Variants in FSIP1 observed in about 807,000 individuals in gnomAD.
FSIP1 encodes fibrous sheath-interacting protein 1.
FSIP1 carries 65 observed loss-of-function variants against 60.9 expected under a neutral mutation model. The observed-to-expected ratio is 1.07, with a 90% CI of 0.87 to 1.31. The LOEUF is 1.31. Ranked by LOEUF, FSIP1 falls within the 40% of genes most tolerant of loss-of-function variation. The pLI is 0.00. For synonymous variants in FSIP1, 209 were observed against 221.2 expected (o/e 0.94, Z 0.49); for missense variants, 675 against 665.5 (o/e 1.01, Z -0.16).
intron 3 of FSIP1, among the ~76,000 whole-genome samples, chr15:39,767,172 A>G (rs372043169): frequency 6.6e-6 from 1 of 152,118 alleles, no homozygotes; most frequent in East Asian, 1.9e-4. Context: ...TTAGAGGAAA[A>G]AAAGAAAGAG....
chr15:39,735,009 T>C (rs371516106), intron 8 of FSIP1, among the ~76,000 whole-genome samples: 1 of 152,164 alleles, frequency 6.6e-6, no homozygotes, highest in Admixed American at 6.5e-5. Context: ...TATGAAAGCA[T>C]TCCTAGAATG....
intron 5 of FSIP1, among the ~76,000 whole-genome samples, chr15:39,744,573 G>C (rs896430889): frequency 6.6e-6 from 1 of 152,092 alleles, no homozygotes; most frequent in Admixed American, 6.5e-5. Flanking sequence ...GAAGAGGCTG[G>C]AGAAACCCAC....
chr15:39,622,438 A>G (rs1275462288), intron 10 of FSIP1, among the ~76,000 whole-genome samples: 1 of 152,158 alleles, frequency 6.6e-6, no homozygotes, highest in Non-Finnish European at 1.5e-5. Context: ...GAGTAAATCT[A>G]TTGGATTTTT....
At chr15:39,676,346 T>C (rs969856260) in intron 10 of FSIP1, among the ~76,000 whole-genome samples, 7 of 152,166 alleles carry the variant, frequency 4.6e-5, no homozygotes, top group African/African-American at 1.4e-4. Flanking sequence ...GTGACCATTT[T>C]TGAGTGAATA....
intron 8 of FSIP1, among the ~76,000 whole-genome samples, chr15:39,737,132 T>C (rs962420523): frequency 3.9e-5 from 6 of 152,094 alleles, no homozygotes; most frequent in African/African-American, 7.2e-5. Context: ...TCAAGGAACA[T>C]AGGACAGTGT....
chr15:39,675,276 T>C (rs988925813), intron 10 of FSIP1, among the ~76,000 whole-genome samples: 3 of 152,212 alleles, frequency 2.0e-5, no homozygotes, highest in Non-Finnish European at 4.4e-5. Flanking sequence ...CATTATCTTA[T>C]AACATTCAGA....
At chr15:39,645,688 C>T (rs1264937644) in intron 10 of FSIP1, among the ~76,000 whole-genome samples, 3 of 152,332 alleles carry the variant, frequency 2.0e-5, no homozygotes, top group Non-Finnish European at 2.9e-5. Flanking sequence ...TGCCCTCCCA[C>T]GTGCAGGGCG....
At chr15:39,668,203 CAAAA>C (rs5812129) in intron 10 of FSIP1, among the ~76,000 whole-genome samples, 3 of 135,194 alleles carry the variant, frequency 2.2e-5, no homozygotes, top group African/African-American at 5.4e-5. Flanking sequence ...ATTAAATTTC[CAAAA>C]AAAAAAAAAA....
At chr15:39,642,816 TG>T (rs1892430613) in intron 10 of FSIP1, among the ~76,000 whole-genome samples, 1 of 152,226 alleles carries the variant, frequency 6.6e-6, no homozygotes, top group Non-Finnish European at 1.5e-5. Context: ...ATATATAAGT[TG>T]ATTCCTATGG....
At chr15:39,717,538 A>G (rs16969688) in intron 9 of FSIP1, among the ~76,000 whole-genome samples, 18,918 of 152,216 alleles carry the variant, frequency 0.12, 1,404 homozygotes, top group African/African-American at 0.2. Context: ...GAGCCACTCT[A>G]CTCAGAAGGT....
chr15:39,701,823 G>T (rs1374439214), intron 10 of FSIP1, among the ~76,000 whole-genome samples: 1 of 152,130 alleles, frequency 6.6e-6, no homozygotes, highest in Non-Finnish European at 1.5e-5. Flanking sequence ...TTCTTTATGT[G>T]TTGGGGATGG....
chr15:39,662,492 A>C (rs1893337624), intron 10 of FSIP1, among the ~76,000 whole-genome samples: 1 of 152,166 alleles, frequency 6.6e-6, no homozygotes, highest in Non-Finnish European at 1.5e-5. Flanking sequence ...TCTGGAAATT[A>C]AGGATATGTA....
At chr15:39,723,509 G>C (rs533238633) in intron 9 of FSIP1, among the ~76,000 whole-genome samples, 3 of 152,196 alleles carry the variant, frequency 2.0e-5, no homozygotes, top group Non-Finnish European at 2.9e-5. Flanking sequence ...GATTACAGGC[G>C]TGAGCCACCA....
chr15:39,690,772 C>T (rs8034550), intron 10 of FSIP1, among the ~76,000 whole-genome samples: 13,969 of 152,216 alleles, frequency 0.092, 1,029 homozygotes, highest in Admixed American at 0.24. Flanking sequence ...TCCCAGGGGA[C>T]TGCTGCTTTA....
chr15:39,613,897 T>C (rs1891122759), intron 11 of FSIP1, among the ~76,000 whole-genome samples: 1 of 152,272 alleles, frequency 6.6e-6, no homozygotes, highest in African/African-American at 2.4e-5. Flanking sequence ...TTGACAAAAT[T>C]CAACACCATT....
chr15:39,768,952 C>T (rs1447333633), intron 3 of FSIP1, among the ~76,000 whole-genome samples: 2 of 152,182 alleles, frequency 1.3e-5, no homozygotes, highest in Admixed American at 6.5e-5. Context: ...CATTACACAA[C>T]GGCATCAGTT....
At chr15:39,696,402 C>T (rs1375026382) in intron 10 of FSIP1, among the ~76,000 whole-genome samples, 1 of 152,110 alleles carries the variant, frequency 6.6e-6, no homozygotes, top group African/African-American at 2.4e-5. Context: ...TCCAAATTTA[C>T]TAGGAACCAA....
chr15:39,762,284 G>A (rs1475672664), intron 5 of FSIP1, among the ~76,000 whole-genome samples: 1 of 152,206 alleles, frequency 6.6e-6, no homozygotes, highest in Non-Finnish European at 1.5e-5. Flanking sequence ...CCTTCCGAAT[G>A]ATTCCTTGGG....
Position 39,656,093 on chromosome 15 carries a change from G to T in FSIP1, c.1189-37848C>A, listed in dbSNP as rs541542682. ...ACACAGAGAGGGGAAGACATGAATA[G>T]GTTTGAACCCTAAAAAGATGTTTGT... On this transcript the variant is annotated intron_variant, in intron 10 of 11. Transcript: ENST00000350221. Among the ~76,000 whole-genome samples, 3 of 152,194 alleles carry T rather than the reference G, an allele frequency of 2.0e-5. No individual in the cohort carries two copies. The East Asian group carries it at 5.8e-4, about 29-fold the overall frequency.
Sources: gnomAD v4.1 joint callset for allele counts (sites outside exome capture counted in the v4.1 genomes callset) on GRCh38, gnomAD v4.1.1 for gene constraint, MANE v1.5 for transcripts, NCBI Gene and HGNC (gene_info 2026-07-23, HGNC 2026-07-21) for gene names.